CCDC92: variants seen among roughly 807,000 people sequenced by gnomAD.
CCDC92 encodes coiled-coil domain containing 92, also known as coiled-coil domain-containing protein 92.
A neutral mutation model predicts 24.9 loss-of-function variants in CCDC92; 12 were observed. The ratio of observed to expected loss-of-function variants is 0.48; its 90% CI spans 0.31 to 0.78. The LOEUF (loss-of-function observed/expected upper bound fraction) is 0.78, where lower values mean the gene tolerates loss of function less well. Ranked by LOEUF, CCDC92 falls within the 30% of genes least tolerant of loss-of-function variation. The pLI is 0.05. For missense variants in CCDC92, 399 were observed against 439.4 expected, an observed-to-expected ratio of 0.91 and a Z score of 0.82; for synonymous variants, 193 against 196.3, an observed-to-expected ratio of 0.98 and a Z score of 0.14.
Position 123,936,974 on chromosome 12 carries a change from T to TG in CCDC92, c.*83dup, listed in dbSNP as rs1437356032. On this transcript the variant is annotated 3_prime_UTR_variant, in exon 5 of 5. Transcript: ENST00000238156. The stretch of plus-strand genomic sequence containing the variant: ...AGGTGTGAAAAGTGTTTGGCATGCA[T>TG]GGGATTAAACAGAAAAGGTGTGGCT... The TG allele has an allele frequency of 6.7e-7, 1 of 1,486,026 alleles. No homozygotes were observed. The highest frequency in any genetic ancestry group is 9.2e-7 in the Non-Finnish European group (1 of 1,084,278). The allele number at this position is 1,486,026 out of a possible 1,614,324, so 92.1% of individuals were successfully genotyped here.
intron 1 of CCDC92, among the ~76,000 whole-genome samples, chr12:123,955,753 G>A (rs1035972013): frequency 1.3e-5 from 2 of 151,928 alleles, no homozygotes; most frequent in Admixed American, 1.3e-4. Context: ...TATGTAGCTG[G>A]GATTATAAAT....
chr12:123,969,437 A>G (rs1453002545), intron 1 of CCDC92, among the ~76,000 whole-genome samples: 1 of 146,148 alleles, frequency 6.8e-6, no homozygotes, highest in Non-Finnish European at 1.5e-5. Flanking sequence ...CACAAGAATC[A>G]TCTCTTATAT....
intron 1 of CCDC92, among the ~76,000 whole-genome samples, chr12:123,953,940 G>C: frequency 6.6e-6 from 1 of 152,150 alleles, no homozygotes; most frequent in Non-Finnish European, 1.5e-5. Flanking sequence ...TGGGCAACAA[G>C]AGGGAAACTC....
chr12:123,937,344 A>G lies in CCDC92; in HGVS notation c.710T>C (p.Val237Ala). Residue 237 changes from valine to alanine, a missense_variant, in exon 5 of 5, where the codon GTG (valine) becomes GCG (alanine). Transcript: ENST00000238156. The surrounding 1 kb of genome is among the most constrained non-coding windows in gnomAD (Gnocchi z 8.4). ...ESRKLLLREP[V>A]DAMPDPTPFL... is the part of the protein sequence containing the mutation. The stretch of plus-strand genomic sequence containing the variant: ...TGGGGTGGGGTCGGGCATAGCATCC[A>G]CTGGTTCCCGCAAAAGGAGTTTCCT... The G allele has an allele frequency of 1.2e-6, 2 of 1,613,990 alleles. No homozygotes were observed. Among genetic ancestry groups the G allele is most frequent in the Non-Finnish European group, 8.5e-7 (1 of 1,180,028 alleles).
At chr12:123,944,186 A>C (rs1955776495) in intron 2 of CCDC92, 86 bp downstream of exon 2, 2 of 830,890 alleles carry the variant, frequency 2.4e-6, no homozygotes. Context: ...GGGGTGGTGC[A>C]GGTGTCTGGA....
intron 1 of CCDC92, among the ~76,000 whole-genome samples, chr12:123,953,608 C>G (rs1389081001): frequency 1.3e-5 from 2 of 152,116 alleles, no homozygotes; most frequent in African/African-American, 4.8e-5. Context: ...GAAACTCTGT[C>G]TATACTAAAA....
chr12:123,942,662 A>G (rs547484074), intron 4 of CCDC92, 82 bp downstream of exon 4: 3 of 1,029,102 alleles, frequency 2.9e-6, no homozygotes, highest in Non-Finnish European at 4.6e-6. Flanking sequence ...TTTTCTCCTA[A>G]GTGTGTGACT....
At chr12:123,955,825 C>G (rs1956137215) in intron 1 of CCDC92, among the ~76,000 whole-genome samples, 1 of 152,110 alleles carries the variant, frequency 6.6e-6, no homozygotes, top group African/African-American at 2.4e-5. Flanking sequence ...TTATTACTTA[C>G]AAAAAGTAAA....
At chr12:123,965,412 C>T (rs1268292543) in intron 1 of CCDC92, among the ~76,000 whole-genome samples, 1 of 152,206 alleles carries the variant, frequency 6.6e-6, no homozygotes, top group East Asian at 1.9e-4. Context: ...ATCGCTCTCA[C>T]TGGAGTATGA....
chr12:123,965,627 C>T (rs1298777471), intron 1 of CCDC92, among the ~76,000 whole-genome samples: 3 of 152,168 alleles, frequency 2.0e-5, no homozygotes, highest in Non-Finnish European at 2.9e-5. Context: ...TGAACAGTCC[C>T]TTATGGTGGC....
intron 4 of CCDC92, among the ~76,000 whole-genome samples, chr12:123,938,716 G>A (rs1594446172): frequency 6.6e-6 from 1 of 152,160 alleles, no homozygotes; most frequent in Admixed American, 6.5e-5. Context: ...ATCAGCTCCC[G>A]ATTCAGTGTC....
intron 1 of CCDC92, chr12:123,960,742 TAGAGTC>T (rs1210628943): frequency 6.6e-6 from 1 of 152,208 alleles, no homozygotes; most frequent in Non-Finnish European, 1.5e-5. Context: ...CTAACTTTAT[TAGAGTC>T]AAAGGACAAT....
intron 4 of CCDC92, among the ~76,000 whole-genome samples, chr12:123,938,347 T>TCACACA (rs112136206): frequency 4.0e-5 from 6 of 150,802 alleles, no homozygotes; most frequent in African/African-American, 1.2e-4. Context: ...CCCGTCTCTC[T>TCACACA]CACACACACA....
chr12:123,942,720 T>G, intron 4 of CCDC92, 24 bp downstream of exon 4: 2 of 1,587,130 alleles, frequency 1.3e-6, no homozygotes, highest in Non-Finnish European at 1.7e-6. Context: ...CTACTGTCAT[T>G]TACTTCTGGG....
At chr12:123,946,030 T>TTCCAGTCCATGATGATC (rs1955859156) in intron 1 of CCDC92, 1 of 17,342 alleles carries the variant, frequency 5.8e-5, no homozygotes, top group African/African-American at 2.0e-4. Flanking sequence ...GCATCCTGCT[T>TTCCAGTCCATGATGATC]TGAAAGCAGC....
At chr12:123,952,257 C>T (rs1056649765) in intron 1 of CCDC92, among the ~76,000 whole-genome samples, 5 of 152,310 alleles carry the variant, frequency 3.3e-5, no homozygotes, top group South Asian at 4.1e-4. Context: ...TATCTAAGTA[C>T]GGAAATGAGC....
intron 1 of CCDC92, among the ~76,000 whole-genome samples, chr12:123,971,236 A>G (rs911714702): frequency 2.0e-5 from 3 of 152,230 alleles, no homozygotes; most frequent in African/African-American, 7.2e-5. Flanking sequence ...ATATGTACGC[A>G]TACCCGTATA....
chr12:123,944,675 A>G (rs1437770503), intron 1 of CCDC92: 1 of 189,430 alleles, frequency 5.3e-6, no homozygotes, highest in Non-Finnish European at 1.1e-5. Flanking sequence ...ATACACTTTC[A>G]TCACACGAAA....
intron 1 of CCDC92, chr12:123,971,341 A>G (rs1432861655): frequency 6.6e-6 from 1 of 151,988 alleles, no homozygotes; most frequent in East Asian, 1.9e-4. Flanking sequence ...ACATCTTTGG[A>G]GGTAAAAGCC....
Sources: gnomAD v4.1 joint callset for allele counts (sites outside exome capture counted in the v4.1 genomes callset) on GRCh38, gnomAD v4.1.1 for gene constraint, Gnocchi (gnomAD v3.1) non-coding constraint, MANE v1.5 for transcripts, NCBI Gene and HGNC (gene_info 2026-07-23, HGNC 2026-07-21) for gene names.